SOCS6: variants seen among roughly 807,000 people sequenced by gnomAD.
The protein encoded by SOCS6 is STAT induced STAT inhibitor-4.
In SOCS6, 5 loss-of-function variants were observed where a neutral mutation model predicts 27.7. That is an observed-to-expected ratio of 0.18 (90% CI 0.09 to 0.38). SOCS6 has a LOEUF of 0.38. Ranked by LOEUF, SOCS6 falls within the 10% of genes least tolerant of loss-of-function variation. The pLI, the probability that SOCS6 is intolerant of heterozygous loss-of-function variation, is 1.00. For missense variants in SOCS6, 595 were observed against 688.1 expected (o/e 0.86, Z 1.51); for synonymous variants, 271 against 260.0 (o/e 1.04, Z -0.41).
At chr18:70,308,903 T>C (rs987807414) in intron 1 of SOCS6, among the ~76,000 whole-genome samples, 37 of 152,332 alleles carry the variant, frequency 2.4e-4, no homozygotes, top group African/African-American at 8.7e-4. Flanking sequence ...TACATGGAAA[T>C]TTTTTCCTGT....
intron 1 of SOCS6, among the ~76,000 whole-genome samples, chr18:70,302,957 G>C (rs1369355295): frequency 1.3e-5 from 2 of 151,912 alleles, no homozygotes; most frequent in African/African-American, 2.4e-5. Context: ...GCCAAGAAAA[G>C]GCCCTGCATT....
At chr18:70,292,775 G>A (rs1284475309) in intron 1 of SOCS6, among the ~76,000 whole-genome samples, 3 of 152,110 alleles carry the variant, frequency 2.0e-5, no homozygotes, top group African/African-American at 2.4e-5. Context: ...TAGCCTTTCC[G>A]TTCCTCAACA....
Position 70,324,961 on chromosome 18 carries a change from C to G in SOCS6, c.293C>G (p.Ser98Cys), listed in dbSNP as rs1158938522. 8 of 1,614,086 alleles carry G rather than the reference C, an allele frequency of 5.0e-6. No homozygotes were observed. In the Admixed American group the frequency reaches 8.3e-5, roughly 17 times the overall value. The change falls in exon 2 of 2, where the codon TCT (serine) becomes TGT (cysteine). Residue 98 changes from serine (S) to cysteine (C), a missense_variant. Transcript: ENST00000397942. Reference sequence around the variant, plus strand: ...AAGGCGGGCACACCCTCTGGGAGCTCTGCCGACGAGGACACCTTCTCCTCC... The same window carrying G: ...AAGGCGGGCACACCCTCTGGGAGCTGTGCCGACGAGGACACCTTCTCCTCC... ...KGKAGTPSGSSADEDTFSSSS... is the reference protein window; with the variant it reads ...KGKAGTPSGSCADEDTFSSSS...
intron 1 of SOCS6, among the ~76,000 whole-genome samples, chr18:70,297,193 T>C (rs1194244165): frequency 6.6e-6 from 1 of 152,202 alleles, no homozygotes; most frequent in Admixed American, 6.5e-5. Context: ...TTTTTCGTCG[T>C]CTTCCTTTCC....
chr18:70,307,364 C>T (rs2062373792), intron 1 of SOCS6, among the ~76,000 whole-genome samples: 1 of 152,162 alleles, frequency 6.6e-6, no homozygotes, highest in Non-Finnish European at 1.5e-5. Flanking sequence ...ACTGGCCTCA[C>T]AGAATGGCTT....
intron 1 of SOCS6, among the ~76,000 whole-genome samples, chr18:70,307,310 T>C (rs956035392): frequency 6.6e-6 from 1 of 152,152 alleles, no homozygotes; most frequent in Non-Finnish European, 1.5e-5. Context: ...GGATATTGAT[T>C]TGTAGTTTTC....
chr18:70,295,499 G>A (rs1407137144), intron 1 of SOCS6, among the ~76,000 whole-genome samples: 1 of 152,092 alleles, frequency 6.6e-6, no homozygotes, highest in Non-Finnish European at 1.5e-5. Context: ...GTATAATAAT[G>A]GTGTTTGTTT....
chr18:70,289,500 G>T (rs558438794), intron 1 of SOCS6, among the ~76,000 whole-genome samples: 18 of 147,406 alleles, frequency 1.2e-4, no homozygotes, highest in African/African-American at 4.1e-4. Flanking sequence ...GCAGCTCGCC[G>T]GGGAGAGGCC....
rs1008737724 is a variant in SOCS6, at chr18:70,315,800, G to C, written c.-126-8743G>C. ...TAGTTTTGTAAGTGTTTAAATCTTTGAATTTTTCTGTGGACCCAGTTTTAG... is the reference window on the plus strand; with the variant it reads ...TAGTTTTGTAAGTGTTTAAATCTTTCAATTTTTCTGTGGACCCAGTTTTAG... On this transcript the variant is annotated intron_variant, in intron 1 of 1. Transcript: ENST00000397942. Among the ~76,000 whole-genome samples the C allele has an allele frequency of 2.0e-5, 3 of 151,954 alleles. No individual in the cohort carries two copies. The East Asian group carries it at 5.8e-4, about 29-fold the overall frequency.
chr18:70,309,633 A>G (rs1568600236), intron 1 of SOCS6, among the ~76,000 whole-genome samples: 1 of 152,196 alleles, frequency 6.6e-6, no homozygotes, highest in Non-Finnish European at 1.5e-5. Flanking sequence ...CTGATAAAAT[A>G]CAGACACTTG....
At chr18:70,297,849 T>C (rs1248138140) in intron 1 of SOCS6, among the ~76,000 whole-genome samples, 1 of 152,254 alleles carries the variant, frequency 6.6e-6, no homozygotes, top group Non-Finnish European at 1.5e-5. Flanking sequence ...CCAAATCTGC[T>C]ATTTAAAACT....
chr18:70,301,341 G>A (rs2062347327), intron 1 of SOCS6, among the ~76,000 whole-genome samples: 1 of 152,206 alleles, frequency 6.6e-6, no homozygotes, highest in Non-Finnish European at 1.5e-5. Flanking sequence ...GTGGCAAAAA[G>A]TAGTTGGATT....
intron 1 of SOCS6, among the ~76,000 whole-genome samples, chr18:70,299,935 G>A (rs2062340877): frequency 1.3e-5 from 2 of 152,098 alleles, no homozygotes; most frequent in Non-Finnish European, 2.9e-5. Context: ...ATACTATGAC[G>A]TTTTATATAA....
At chr18:70,323,945 G>A (rs2231554) in intron 1 of SOCS6, among the ~76,000 whole-genome samples, 2,078 of 152,198 alleles carry the variant, frequency 0.014, 46 homozygotes, top group African/African-American at 0.047. Context: ...TGGCCCACAC[G>A]TTAGAGTTTA....
At chr18:70,306,655 C>A (rs2062371050) in intron 1 of SOCS6, among the ~76,000 whole-genome samples, 1 of 151,990 alleles carries the variant, frequency 6.6e-6, no homozygotes, top group African/African-American at 2.4e-5. Context: ...CCTTGTCTTG[C>A]CCCCAGTCTT....
intron 1 of SOCS6, among the ~76,000 whole-genome samples, chr18:70,302,738 C>T (rs765841550): frequency 1.6e-4 from 24 of 150,406 alleles, no homozygotes; most frequent in African/African-American, 1.5e-4. Context: ...TATTCAAAGC[C>T]GGTTCCTAAC....
intron 1 of SOCS6, among the ~76,000 whole-genome samples, chr18:70,317,554 T>TAC (rs369682234): frequency 0.072 from 10,037 of 138,994 alleles, 525 homozygotes; most frequent in African/African-American, 0.14. Flanking sequence ...CATATATACA[T>TAC]ACACACACAC....
In SOCS6 at chr18:70,324,780, A is replaced by C. The variant is rs1462030206; in HGVS notation, c.112A>C (p.Lys38Gln). Reference protein sequence around the residue: ...QQPSLASDFGKDDSLFGSCYG... With the variant: ...QQPSLASDFGQDDSLFGSCYG... ...ACCATCGCTAGCCAGTGACTTTGGAAAAGATGATTCCTTATTTGGTAGCTG... is the reference window on the plus strand; with the variant it reads ...ACCATCGCTAGCCAGTGACTTTGGACAAGATGATTCCTTATTTGGTAGCTG... Residue 38 changes from lysine to glutamine, a missense_variant, in exon 2 of 2, where the codon AAA (lysine) becomes CAA (glutamine). Physicochemically the swap from Lys to Gln is moderately conservative, Grantham distance 53 (BLOSUM62 1). This residue lies in a region of SOCS6 where 467 missense variants were observed against 481.1 expected (regional missense o/e 0.97). Coordinates refer to ENST00000397942, the MANE Select transcript of SOCS6 (RefSeq NM_004232.4). The C allele has an allele frequency of 1.2e-6, 2 of 1,614,064 alleles. No homozygotes were observed. The highest frequency in any genetic ancestry group is 4.5e-5 in the East Asian group (2 of 44,886).
chr18:70,321,275 G>C (rs1341572786), intron 1 of SOCS6, among the ~76,000 whole-genome samples: 2 of 139,532 alleles, frequency 1.4e-5, no homozygotes, highest in African/African-American at 2.7e-5. Context: ...CTCTGATTCT[G>C]TGTCTTCAAT....
Sources: allele counts gnomAD v4.1 joint callset (sites outside exome capture counted in the v4.1 genomes callset), GRCh38; gene constraint gnomAD v4.1.1; regional missense constraint gnomAD v4.1.1; transcripts MANE v1.5; gene names NCBI Gene and HGNC (gene_info 2026-07-23, HGNC 2026-07-21).